The following ASB15 variants were observed in gnomAD, a reference collection of about 807,000 sequenced individuals.
ASB15 encodes ankyrin repeat and SOCS box containing 15, also known as ankyrin repeat and SOCS box protein 15.
In ASB15, 54 loss-of-function variants were observed where a neutral mutation model predicts 58.0. The observed-to-expected ratio is 0.93, with a 90% CI of 0.75 to 1.17. The LOEUF (loss-of-function observed/expected upper bound fraction) is 1.17, where lower values mean the gene tolerates loss of function less well. ASB15 is among the 50% of genes most tolerant of loss of function. ASB15 has a pLI of 0.00. For missense variants in ASB15, 680 were observed against 707.4 expected, an observed-to-expected ratio of 0.96 and a Z score of 0.44; for synonymous variants, 249 against 262.4, an observed-to-expected ratio of 0.95 and a Z score of 0.50.
At chr7:123,598,252 TCAAA>T (rs1252649948), upstream of ASB15, among the ~76,000 whole-genome samples, 5 of 152,176 alleles carry the variant, frequency 3.3e-5, no homozygotes, top group Non-Finnish European at 7.3e-5. Context: ...TATTAGTTTT[TCAAA>T]GAACTTTCAT....
intron 7 of ASB15, among the ~76,000 whole-genome samples, chr7:123,619,471 T>G (rs1472397493): frequency 6.6e-6 from 1 of 152,142 alleles, no homozygotes; most frequent in East Asian, 1.9e-4. Context: ...CGATACAGTT[T>G]GCTCAGTGAA....
At chr7:123,580,782 G>A (rs1014308171) in intron 1 of ASB15, among the ~76,000 whole-genome samples, 3 of 151,876 alleles carry the variant, frequency 2.0e-5, no homozygotes, top group Admixed American at 1.3e-4. Flanking sequence ...CCTGAGATAA[G>A]GGCTTAGAGA....
rs118072245 is a variant in ASB15 at position 123,636,557 on chromosome 7, C to T, written c.1595-252C>T. Reference sequence around the variant, plus strand: ...ATTCATTCCACAAATTCTAGTTGAACACCTACCATGAGCCAGACTCTCTTC... The same window carrying T: ...ATTCATTCCACAAATTCTAGTTGAATACCTACCATGAGCCAGACTCTCTTC... On this transcript the variant is annotated intron_variant, in intron 11 of 11. Coordinates refer to ENST00000451215, the MANE Select transcript of ASB15 (RefSeq NM_001290258.2). Among the ~76,000 whole-genome samples the T allele has an allele frequency of 9.3e-3, 1,420 of 152,278 alleles. 15 individuals carry two copies. Among genetic ancestry groups the T allele is most frequent in the Admixed American group, 0.014 (217 of 15,292 alleles).
At chr7:123,601,526 A>G (rs1447304600), upstream of ASB15, among the ~76,000 whole-genome samples, 1 of 152,202 alleles carries the variant, frequency 6.6e-6, no homozygotes, top group Non-Finnish European at 1.5e-5. Context: ...AAAGACTTAC[A>G]GATTTGTCTC....
chr7:123,634,857 G>T (rs1473419066), intron 11 of ASB15, among the ~76,000 whole-genome samples: 1 of 152,166 alleles, frequency 6.6e-6, no homozygotes, highest in African/African-American at 2.4e-5. Context: ...CACAGAACCT[G>T]ATATAGTTTT....
At chr7:123,620,814 G>A (rs1206058784) in intron 7 of ASB15, among the ~76,000 whole-genome samples, 9 of 150,664 alleles carry the variant, frequency 6.0e-5, no homozygotes, top group Admixed American at 3.3e-4. Context: ...CGCCCTCCTC[G>A]GCCTCCCAAA....
chr7:123,590,340 T>C (rs989542204), intron 1 of ASB15, among the ~76,000 whole-genome samples: 3 of 152,352 alleles, frequency 2.0e-5, no homozygotes, highest in Non-Finnish European at 2.9e-5. Context: ...ATCCCATTTG[T>C]CTATTTTGGC....
intron 1 of ASB15, among the ~76,000 whole-genome samples, chr7:123,569,662 G>A (rs1798852905): frequency 6.6e-6 from 1 of 152,146 alleles, no homozygotes; most frequent in South Asian, 2.1e-4. Flanking sequence ...AAATCCAGCT[G>A]AACAAGAAGA....
chr7:123,611,263 T>C (rs1348677039), intron 3 of ASB15, among the ~76,000 whole-genome samples: 1 of 152,034 alleles, frequency 6.6e-6, no homozygotes, highest in Non-Finnish European at 1.5e-5. Context: ...TGGGATTGAG[T>C]CCTAGCCACT....
intron 1 of ASB15, among the ~76,000 whole-genome samples, chr7:123,595,501 A>G (rs572985265): frequency 4.6e-5 from 7 of 152,184 alleles, no homozygotes; most frequent in Non-Finnish European, 8.8e-5. Context: ...TCCCCACTTC[A>G]ATGACCAACT....
At chr7:123,582,733 G>A (rs1025974217) in intron 1 of ASB15, among the ~76,000 whole-genome samples, 15 of 151,880 alleles carry the variant, frequency 9.9e-5, no homozygotes, top group African/African-American at 2.4e-4. Flanking sequence ...GTCCCCTCCT[G>A]GAAGCTAAGC....
chr7:123,577,930 G>A (rs921830287), intron 1 of ASB15, among the ~76,000 whole-genome samples: 10 of 151,794 alleles, frequency 6.6e-5, no homozygotes, highest in East Asian at 1.9e-4. Context: ...TCCGGGATAC[G>A]TGTGCAGAAT....
intron 1 of ASB15, among the ~76,000 whole-genome samples, chr7:123,592,366 A>G (rs1417939198): frequency 6.6e-6 from 1 of 151,858 alleles, no homozygotes; most frequent in African/African-American, 2.4e-5. Flanking sequence ...AGTTCTTTTA[A>G]TTGTGATGTT....
chr7:123,570,389 C>T (rs1023292416), intron 1 of ASB15, among the ~76,000 whole-genome samples: 2 of 152,046 alleles, frequency 1.3e-5, no homozygotes, highest in African/African-American at 2.4e-5. Flanking sequence ...GACTATATCA[C>T]CCACCCTGAT....
intron 2 of ASB15, among the ~76,000 whole-genome samples, chr7:123,607,978 T>TA (rs1257891232): frequency 2.0e-5 from 3 of 152,202 alleles, no homozygotes; most frequent in East Asian, 3.9e-4. Flanking sequence ...AGCTCCTTCC[T>TA]AAACTGTTAT....
At chr7:123,580,077 G>C (rs1476976101) in intron 1 of ASB15, among the ~76,000 whole-genome samples, 1 of 151,970 alleles carries the variant, frequency 6.6e-6, no homozygotes, top group Non-Finnish European at 1.5e-5. Flanking sequence ...GGCGGGATTA[G>C]AAAAATTCAT....
chr7:123,631,542 C>CT (rs1802116918), intron 11 of ASB15, among the ~76,000 whole-genome samples: 1 of 152,110 alleles, frequency 6.6e-6, no homozygotes, highest in South Asian at 2.1e-4. Flanking sequence ...AACCACTTCT[C>CT]TAAGTTCCCT....
intron 11 of ASB15, among the ~76,000 whole-genome samples, chr7:123,631,505 A>G (rs1311415099): frequency 1.3e-5 from 2 of 152,162 alleles, no homozygotes; most frequent in Non-Finnish European, 2.9e-5. Context: ...AAATTACAAA[A>G]CAGTCTAGAC....
intron 3 of ASB15, among the ~76,000 whole-genome samples, chr7:123,612,036 C>G (rs966942792): frequency 1.3e-5 from 2 of 151,956 alleles, no homozygotes; most frequent in African/African-American, 4.8e-5. Context: ...AGCCTGTGCT[C>G]TCTCATACAC....
Sources: allele counts gnomAD v4.1 joint callset (sites outside exome capture counted in the v4.1 genomes callset), GRCh38; gene constraint gnomAD v4.1.1; transcripts MANE v1.5; gene names NCBI Gene and HGNC (gene_info 2026-07-23, HGNC 2026-07-21).